The following DAW1 variants were observed in gnomAD, a reference collection of about 807,000 sequenced individuals.
The protein encoded by DAW1 is dynein assembly factor with WD repeats 1, also known as dynein assembly factor with WD repeat domains 1.
DAW1 carries 47 observed loss-of-function variants against 56.5 expected under a neutral mutation model. The ratio of observed to expected loss-of-function variants is 0.83; its 90% CI spans 0.66 to 1.06. The LOEUF (loss-of-function observed/expected upper bound fraction) is 1.06, where lower values mean the gene tolerates loss of function less well. Ranked by LOEUF, DAW1 falls within the 50% of genes least tolerant of loss-of-function variation. The pLI, the probability that DAW1 is intolerant of heterozygous loss-of-function variation, is 0.00. For synonymous variants in DAW1, 190 were observed against 179.0 expected (o/e 1.06, Z -0.49); for missense variants, 505 against 499.3 (o/e 1.01, Z -0.11).
chr2:227,888,440 C>T lies in DAW1; in HGVS notation c.114-1416C>T, dbSNP rs150461170. On this transcript the variant is annotated intron_variant, in intron 2 of 12. Coordinates refer to ENST00000309931, the MANE Select transcript of DAW1 (RefSeq NM_178821.3). ...AGCCATCTGACCTCGATGAAGAAGGCGGGACAACAGAATCTCTGCCAATCT... is the reference window on the plus strand; with the variant it reads ...AGCCATCTGACCTCGATGAAGAAGGTGGGACAACAGAATCTCTGCCAATCT... Among the ~76,000 whole-genome samples, 234 of 152,264 alleles carry T rather than the reference C, an allele frequency of 1.5e-3. 1 individual carries two copies. The highest frequency in any genetic ancestry group is 4.8e-3 in the African/African-American group (200 of 41,530).
intron 5 of DAW1, among the ~76,000 whole-genome samples, chr2:227,894,331 G>T (rs1275533853): frequency 6.6e-6 from 1 of 152,034 alleles, no homozygotes; most frequent in Non-Finnish European, 1.5e-5. Context: ...CAGGGGAATC[G>T]CTTGAACCCA....
chr2:227,897,101 A>C (rs1436204280), intron 5 of DAW1, among the ~76,000 whole-genome samples: 4 of 151,522 alleles, frequency 2.6e-5, no homozygotes, highest in Non-Finnish European at 1.5e-5. Flanking sequence ...AAGAAAAAAA[A>C]AAAAAAAAAA....
In DAW1 at chr2:227,902,993, G is replaced by T. The variant is rs1279596573; in HGVS notation, c.541-9G>T. On this transcript the variant is annotated splice_polypyrimidine_tract_variant and intron_variant, in intron 6 of 12. Coordinates refer to ENST00000309931, the MANE Select transcript of DAW1 (RefSeq NM_178821.3). ...CTTCCTAAAATTTCTCCCATTTTAT[G>T]TAATTTAGGTGTGTTTATCATTTAA... 6.2e-7 allele frequency: 1 copy of T among 1,607,394 alleles called. No individual in the cohort carries two copies. The highest frequency in any genetic ancestry group is 1.1e-5 in the South Asian group (1 of 90,406).
At chr2:227,910,623 C>T (rs1464312489) in intron 10 of DAW1, among the ~76,000 whole-genome samples, 1 of 151,916 alleles carries the variant, frequency 6.6e-6, no homozygotes, top group Non-Finnish European at 1.5e-5. Flanking sequence ...ACCCCTTTAA[C>T]AACCCCATAA....
chr2:227,881,544 A>G (rs1339124662), intron 1 of DAW1, among the ~76,000 whole-genome samples: 2 of 152,210 alleles, frequency 1.3e-5, no homozygotes, highest in Non-Finnish European at 2.9e-5. Flanking sequence ...GCCACAAGGT[A>G]TCATTTGATT....
At chr2:227,890,568 T>C (rs1331190590) in intron 3 of DAW1, among the ~76,000 whole-genome samples, 1 of 152,230 alleles carries the variant, frequency 6.6e-6, no homozygotes, top group Non-Finnish European at 1.5e-5. Context: ...TTTTATGATT[T>C]AAATATAATT....
At chr2:227,886,102 C>A (rs1691124943) in intron 2 of DAW1, among the ~76,000 whole-genome samples, 1 of 151,602 alleles carries the variant, frequency 6.6e-6, no homozygotes, top group African/African-American at 2.4e-5. Flanking sequence ...AACCAGTGAC[C>A]TTTACATTTT....
At chr2:227,899,784 C>T (rs952309147) in intron 6 of DAW1, among the ~76,000 whole-genome samples, 3 of 152,202 alleles carry the variant, frequency 2.0e-5, no homozygotes, top group Non-Finnish European at 4.4e-5. Context: ...CAAGTGCTAG[C>T]ACCCACACCC....
intron 1 of DAW1, 136 bp from the exon 2 acceptor site, chr2:227,885,215 G>A (rs1004543440): frequency 1.1e-5 from 6 of 556,028 alleles, no homozygotes; most frequent in Non-Finnish European, 1.8e-5. Context: ...TTTGGAACTA[G>A]ATATCACTGC....
intron 1 of DAW1, among the ~76,000 whole-genome samples, chr2:227,877,472 T>C (rs1690906698): frequency 6.6e-6 from 1 of 152,370 alleles, no homozygotes; most frequent in Admixed American, 6.5e-5. Context: ...TCTGCTTTTA[T>C]TCTTCATGGC....
intron 10 of DAW1, among the ~76,000 whole-genome samples, 163 bp from the exon 11 acceptor site, chr2:227,918,617 G>A (rs1480530176): frequency 1.3e-5 from 2 of 151,802 alleles, no homozygotes; most frequent in Non-Finnish European, 1.5e-5. Flanking sequence ...GGGACCAGCA[G>A]GCATTTAGAG....
At chr2:227,900,704 G>C (rs1241720769) in intron 6 of DAW1, among the ~76,000 whole-genome samples, 1 of 152,190 alleles carries the variant, frequency 6.6e-6, no homozygotes. Context: ...TGTGTGATCA[G>C]AGCAGAGCTT....
At chr2:227,895,922 A>C (rs74451781) in intron 5 of DAW1, among the ~76,000 whole-genome samples, 1 of 152,204 alleles carries the variant, frequency 6.6e-6, no homozygotes, top group African/African-American at 2.4e-5. Context: ...ATACCATAAT[A>C]CACTCATTGC....
intron 10 of DAW1, among the ~76,000 whole-genome samples, chr2:227,907,474 G>A (rs1218283716): frequency 2.6e-5 from 4 of 152,094 alleles, no homozygotes; most frequent in African/African-American, 7.2e-5. Context: ...CCTACATAAC[G>A]AGGTATATGA....
intron 10 of DAW1, among the ~76,000 whole-genome samples, chr2:227,908,245 T>C (rs7578514): frequency 0.49 from 73,778 of 152,020 alleles, 18,374 homozygotes; most frequent in Middle Eastern, 0.63. Context: ...CTATACTGTG[T>C]TTTCATCTAC....
intron 4 of DAW1, among the ~76,000 whole-genome samples, chr2:227,892,900 G>A (rs1359609031): frequency 6.6e-6 from 1 of 152,172 alleles, no homozygotes; most frequent in Non-Finnish European, 1.5e-5. Context: ...TTAAGATGCT[G>A]CTATTTTACA....
intron 12 of DAW1, among the ~76,000 whole-genome samples, chr2:227,923,264 A>G (rs1692150873): frequency 1.3e-5 from 2 of 152,202 alleles, no homozygotes; most frequent in South Asian, 4.1e-4. Context: ...CCCTGGTGTG[A>G]TAAACTGCAG....
At chr2:227,876,873 T>G (rs951493777) in intron 1 of DAW1, among the ~76,000 whole-genome samples, 2 of 152,266 alleles carry the variant, frequency 1.3e-5, no homozygotes, top group African/African-American at 4.8e-5. Flanking sequence ...TTTCATTTAT[T>G]GTGTGAAGTC....
At chr2:227,882,138 A>T (rs1691026185) in intron 1 of DAW1, among the ~76,000 whole-genome samples, 1 of 152,192 alleles carries the variant, frequency 6.6e-6, no homozygotes, top group Non-Finnish European at 1.5e-5. Context: ...CTTGATCTGA[A>T]ATACTGCTAG....
Sources: allele counts gnomAD v4.1 joint callset (sites outside exome capture counted in the v4.1 genomes callset), GRCh38; gene constraint gnomAD v4.1.1; transcripts MANE v1.5; gene names NCBI Gene and HGNC (gene_info 2026-07-23, HGNC 2026-07-21).